STX18: variants seen among roughly 807,000 people sequenced by gnomAD.
STX18 encodes the protein syntaxin 18, also known as syntaxin-18.
Under a neutral mutation model 50.1 loss-of-function variants are expected in STX18, and 40 were observed. That is an observed-to-expected ratio of 0.80 (90% CI 0.62 to 1.04). The LOEUF is 1.04. STX18 is among the 50% of genes least tolerant of loss of function. STX18 has a pLI of 0.00. For missense variants in STX18, 410 were observed against 415.8 expected, an observed-to-expected ratio of 0.99 and a Z score of 0.12; for synonymous variants, 158 against 151.8, an observed-to-expected ratio of 1.04 and a Z score of -0.30.
At chr4:4,436,454 CCATTT>C (rs1344047452) in intron 6 of STX18, among the ~76,000 whole-genome samples, 1 of 147,310 alleles carries the variant, frequency 6.8e-6, no homozygotes, top group Non-Finnish European at 1.5e-5. Context: ...ATTATGGTAT[CCATTT>C]CAAGCTTTTA....
chr4:4,436,173 C>A (rs1221240253), intron 6 of STX18, among the ~76,000 whole-genome samples: 1 of 152,098 alleles, frequency 6.6e-6, no homozygotes, highest in Non-Finnish European at 1.5e-5. Context: ...ACTAGGCAGG[C>A]CATGCCTGAA....
chr4:4,528,170 T>G (rs1034894814), intron 1 of STX18, among the ~76,000 whole-genome samples: 50 of 152,060 alleles, frequency 3.3e-4, no homozygotes, highest in African/African-American at 1.2e-3. Flanking sequence ...TTTTCCAGCC[T>G]TCCCATCTCC....
At chr4:4,521,074 C>T (rs1730486598) in intron 1 of STX18, among the ~76,000 whole-genome samples, 1 of 152,134 alleles carries the variant, frequency 6.6e-6, no homozygotes, top group South Asian at 2.1e-4. Flanking sequence ...ATCTAACCCA[C>T]CCCTCCAACC....
At chr4:4,510,298 A>T (rs1385561296) in intron 1 of STX18, among the ~76,000 whole-genome samples, 1 of 152,184 alleles carries the variant, frequency 6.6e-6, no homozygotes, top group Admixed American at 6.5e-5. Flanking sequence ...ATAGTTTTTT[A>T]AAAAAATTAG....
chr4:4,504,408 A>G (rs1165648668), intron 1 of STX18, among the ~76,000 whole-genome samples: 1 of 152,224 alleles, frequency 6.6e-6, no homozygotes, highest in African/African-American at 2.4e-5. Flanking sequence ...TCTTAACTGA[A>G]TATCTGTTTT....
At position 4,434,836 on chromosome 4, in the gene STX18, T is replaced by A; in HGVS notation, c.636A>T (p.Gln212His). The A allele has an allele frequency of 1.2e-6, 2 of 1,601,818 alleles. No individual in the cohort carries two copies. Among genetic ancestry groups the A allele is most frequent in the Non-Finnish European group, 1.7e-6 (2 of 1,176,834 alleles). Residue 212 changes from glutamine (Q) to histidine (H), a missense_variant, in exon 7 of 11, where the codon CAA (glutamine) becomes CAT (histidine). Gln to His is a conservative substitution (Grantham distance 24). Coordinates refer to ENST00000306200, the MANE Select transcript of STX18 (RefSeq NM_016930.4). ...CATCTCCCCACGTTCCCAATTCAGG[T>A]TGTGTTTCAGCCAAAATTTTTTCTG... ...ERPEKILAET[Q>H]PELGTWGDGK...
intron 1 of STX18, among the ~76,000 whole-genome samples, chr4:4,537,156 G>T (rs969866231): frequency 2.0e-4 from 30 of 152,270 alleles, no homozygotes; most frequent in Non-Finnish European, 3.4e-4. Flanking sequence ...GTCAGTAAGA[G>T]AATAGAAGAG....
chr4:4,505,133 T>C (rs1018674237), intron 1 of STX18, among the ~76,000 whole-genome samples: 1 of 152,200 alleles, frequency 6.6e-6, no homozygotes, highest in Admixed American at 6.5e-5. Context: ...CTCTATGGAT[T>C]TGCCTGTTCT....
At chr4:4,497,443 T>C (rs751554365) in intron 1 of STX18, among the ~76,000 whole-genome samples, 31 of 152,230 alleles carry the variant, frequency 2.0e-4, no homozygotes, top group Non-Finnish European at 3.7e-4. Flanking sequence ...AAAACAGCAA[T>C]GAATTAACTA....
intron 1 of STX18, among the ~76,000 whole-genome samples, chr4:4,500,210 TAGAA>T (rs751676994): frequency 2.0e-5 from 3 of 152,344 alleles, no homozygotes; most frequent in East Asian, 1.9e-4. Flanking sequence ...TAACATCACC[TAGAA>T]AGAAACTCTT....
chr4:4,451,203 A>G (rs1290450441), intron 5 of STX18, among the ~76,000 whole-genome samples: 8 of 151,698 alleles, frequency 5.3e-5, no homozygotes, highest in Non-Finnish European at 7.3e-5. Context: ...CTACCTGGCC[A>G]GCATCTGCTT....
upstream of STX18, chr4:4,542,221 A>G (rs1731650705): frequency 4.5e-6 from 2 of 446,962 alleles, no homozygotes; most frequent in South Asian, 7.8e-5. Flanking sequence ...CAAAGCTTGG[A>G]GGGTTTAGCT....
chr4:4,423,377 C>G (rs1335477274), intron 9 of STX18, 141 bp downstream of exon 9: 4 of 806,284 alleles, frequency 5.0e-6, no homozygotes, highest in Admixed American at 2.2e-5. Context: ...CTGAGGAGCT[C>G]TGCGCACACA....
intron 1 of STX18, chr4:4,507,815 T>TAAAAAA (rs879049430): frequency 1.8e-5 from 4 of 219,362 alleles, no homozygotes; most frequent in East Asian, 7.7e-5. Flanking sequence ...ATATTCACAG[T>TAAAAAA]AAAAAAAAAA....
chr4:4,539,504 T>C (rs955167682), intron 1 of STX18, among the ~76,000 whole-genome samples: 1 of 152,146 alleles, frequency 6.6e-6, no homozygotes, highest in Non-Finnish European at 1.5e-5. Flanking sequence ...CACAAAGCAA[T>C]GACAACATAA....
chr4:4,457,139 T>C, intron 5 of STX18, 52 bp downstream of exon 5: 1 of 1,489,732 alleles, frequency 6.7e-7, no homozygotes, highest in South Asian at 1.1e-5. Flanking sequence ...TTAACTGCTA[T>C]TATTAGTAGT....
chr4:4,447,954 G>C (rs1726519825), intron 5 of STX18, among the ~76,000 whole-genome samples: 1 of 151,656 alleles, frequency 6.6e-6, no homozygotes, highest in Non-Finnish European at 1.5e-5. Flanking sequence ...TGTACAATCT[G>C]TACAAGGGAC....
intron 1 of STX18, among the ~76,000 whole-genome samples, chr4:4,539,597 T>G (rs1731487546): frequency 6.6e-6 from 1 of 152,204 alleles, no homozygotes; most frequent in Non-Finnish European, 1.5e-5. Context: ...TGAACTCACT[T>G]AAGGTGATGT....
chr4:4,453,373 T>C (rs1270266803), intron 5 of STX18, among the ~76,000 whole-genome samples: 1 of 152,176 alleles, frequency 6.6e-6, no homozygotes, highest in African/African-American at 2.4e-5. Flanking sequence ...AATCAGTCAG[T>C]AGCCATCAAC....
Sources: gnomAD v4.1 joint callset for allele counts (sites outside exome capture counted in the v4.1 genomes callset) on GRCh38, gnomAD v4.1.1 for gene constraint, MANE v1.5 for transcripts, NCBI Gene and HGNC (gene_info 2026-07-23, HGNC 2026-07-21) for gene names.